Variants in B4GALT6 observed in about 807,000 individuals in gnomAD.
B4GALT6 encodes UDP-Gal:beta-GlcNAc beta-1,4-galactosyltransferase 6.
Under a neutral mutation model 46.3 loss-of-function variants are expected in B4GALT6, and 14 were observed. The observed-to-expected ratio is 0.30, with a 90% confidence interval of 0.20 to 0.47. The LOEUF (loss-of-function observed/expected upper bound fraction) is 0.47. Ranked by LOEUF, B4GALT6 falls within the 20% of genes least tolerant of loss-of-function variation. The pLI is 0.99. For synonymous variants in B4GALT6, 168 were observed against 162.0 expected (o/e 1.04, Z -0.28); for missense variants, 386 against 480.1 (o/e 0.80, Z 1.83).
chr18:31,641,601 T>G (rs543014894), intron 4 of B4GALT6, among the ~76,000 whole-genome samples: 5 of 152,198 alleles, frequency 3.3e-5, no homozygotes, highest in Non-Finnish European at 7.3e-5. Context: ...CAGGACATTC[T>G]TCTATGTGCC....
At chr18:31,630,912 C>T in intron 6 of B4GALT6, 47 bp downstream of exon 6, 1 of 1,581,528 alleles carries the variant, frequency 6.3e-7, no homozygotes, top group African/African-American at 1.3e-5. Flanking sequence ...AATGCTATGA[C>T]TGTGCAATTA....
intron 6 of B4GALT6, among the ~76,000 whole-genome samples, chr18:31,630,673 G>A (rs1184334339): frequency 6.6e-6 from 1 of 152,144 alleles, no homozygotes; most frequent in Non-Finnish European, 1.5e-5. Flanking sequence ...TATAAGTCCT[G>A]GAACTGTAAG....
intron 3 of B4GALT6, among the ~76,000 whole-genome samples, chr18:31,647,232 T>C (rs2144591695): frequency 6.6e-6 from 1 of 152,370 alleles, no homozygotes; most frequent in East Asian, 1.9e-4. Flanking sequence ...GTATTCTTTC[T>C]GCACTGTTAA....
upstream of B4GALT6, chr18:31,684,855 G>C (rs2074527064): frequency 1.2e-6 from 1 of 819,880 alleles, no homozygotes; most frequent in African/African-American, 1.9e-5. Context: ...GCCCGGCTCC[G>C]CTGCCCGCGC....
At chr18:31,707,622 T>G in the B4GALT6 span, among the ~76,000 whole-genome samples, 1 of 152,218 alleles carries the variant, frequency 6.6e-6, no homozygotes, top group Non-Finnish European at 1.5e-5. Context: ...GTAAATTATT[T>G]AAATAGTGTT....
the B4GALT6 span, among the ~76,000 whole-genome samples, chr18:31,707,023 G>A: frequency 9.1e-3 from 1,378 of 152,150 alleles, 43 homozygotes; most frequent in East Asian, 0.095. Flanking sequence ...AGAAGGAAAC[G>A]ACACAGAGAA....
chr18:31,676,264 T>C (rs939427497), intron 1 of B4GALT6, among the ~76,000 whole-genome samples: 1 of 152,126 alleles, frequency 6.6e-6, no homozygotes, highest in Admixed American at 6.5e-5. Flanking sequence ...AAACAGGCCA[T>C]AGTATTCAAT....
rs1453319144 is a variant in B4GALT6 at position 31,624,515 on chromosome 18, TCTA to T, written c.*1096_*1098del. 7.9e-5 allele frequency: 12 copies of T among 152,042 alleles called. No homozygotes were observed. Among genetic ancestry groups the T allele is most frequent in the African/African-American group, 2.4e-4 (10 of 41,456 alleles). The allele number at this position is 152,042 out of a possible 1,614,324, so 9.4% of individuals were successfully genotyped here. A position where few individuals can be genotyped will look rare whatever the true frequency, so the allele number is the denominator to read the frequency against. On this transcript the variant is annotated 3_prime_UTR_variant, in exon 9 of 9. Transcript: ENST00000306851. The stretch of plus-strand genomic sequence containing the variant: ...AAACTAAACTTAAAATTTGTTTTTA[TCTA>T]CTAAGTATTTATCTTTATAAAAATA...
chr18:31,712,287 A>ATTTTT, the B4GALT6 span, among the ~76,000 whole-genome samples: 2,291 of 84,476 alleles, frequency 0.027, 297 homozygotes, highest in Non-Finnish European at 0.037. Flanking sequence ...CTGGGACGTT[A>ATTTTT]TTTTTTTTTT....
intron 3 of B4GALT6, among the ~76,000 whole-genome samples, chr18:31,654,471 T>G (rs1339375501): frequency 6.6e-6 from 1 of 152,224 alleles, no homozygotes; most frequent in Non-Finnish European, 1.5e-5. Context: ...ACTCTTCATA[T>G]AAAATATACA....
At chr18:31,680,711 G>A (rs200522412) in intron 1 of B4GALT6, among the ~76,000 whole-genome samples, 1 of 152,178 alleles carries the variant, frequency 6.6e-6, no homozygotes, top group East Asian at 1.9e-4. Flanking sequence ...AATTTATTTT[G>A]TAATCACAGA....
At chr18:31,695,120 T>C in the B4GALT6 span, among the ~76,000 whole-genome samples, 3 of 152,126 alleles carry the variant, frequency 2.0e-5, no homozygotes, top group Non-Finnish European at 4.4e-5. Context: ...ACTGACTTTT[T>C]TCCTATCTTT....
intron 1 of B4GALT6, among the ~76,000 whole-genome samples, chr18:31,667,538 C>T (rs918285887): frequency 1.3e-5 from 2 of 152,136 alleles, no homozygotes; most frequent in Non-Finnish European, 2.9e-5. Context: ...TTCTTTCCCA[C>T]TTTTTATGTA....
intron 3 of B4GALT6, among the ~76,000 whole-genome samples, chr18:31,647,878 T>C (rs112369611): frequency 1.3e-5 from 2 of 152,054 alleles, no homozygotes; most frequent in African/African-American, 4.8e-5. Flanking sequence ...GATCCTGTGG[T>C]TGGAGAAGGG....
chr18:31,628,241 C>G (rs999692323), intron 6 of B4GALT6, among the ~76,000 whole-genome samples: 1 of 152,204 alleles, frequency 6.6e-6, no homozygotes, highest in Non-Finnish European at 1.5e-5. Context: ...TCAAGGCTCA[C>G]ACTTGGGAGC....
intron 2 of B4GALT6, 186 bp from the exon 3 acceptor site, chr18:31,658,275 T>C: frequency 5.9e-6 from 3 of 511,348 alleles, no homozygotes; most frequent in East Asian, 3.2e-5. Flanking sequence ...CTCAGCATGA[T>C]TTCCCAAGAG....
the B4GALT6 span, among the ~76,000 whole-genome samples, chr18:31,721,186 G>C: frequency 6.6e-6 from 1 of 152,000 alleles, no homozygotes; most frequent in Non-Finnish European, 1.5e-5. Flanking sequence ...GGGCCTGTCG[G>C]GGGGTGGGGG....
At chr18:31,630,811 G>T in intron 6 of B4GALT6, 148 bp downstream of exon 6, 1 of 811,832 alleles carries the variant, frequency 1.2e-6, no homozygotes. Flanking sequence ...CTGTGTCCTG[G>T]CTCCCCAGGA....
At chr18:31,661,496 T>C (rs1344930126) in intron 2 of B4GALT6, among the ~76,000 whole-genome samples, 5 of 152,150 alleles carry the variant, frequency 3.3e-5, no homozygotes, top group African/African-American at 9.7e-5. Context: ...ACAATAAATA[T>C]TGAATGGCAA....
Sources: gnomAD v4.1 joint callset for allele counts (sites outside exome capture counted in the v4.1 genomes callset) on GRCh38, gnomAD v4.1.1 for gene constraint, MANE v1.5 for transcripts, NCBI Gene and HGNC (gene_info 2026-07-23, HGNC 2026-07-21) for gene names.